Variants in LAMB4 observed in about 807,000 individuals in gnomAD.
LAMB4 encodes laminin subunit beta 4.
In LAMB4, 196 loss-of-function variants were observed where a neutral mutation model predicts 199.2. The observed-to-expected ratio is 0.98, with a 90% CI of 0.88 to 1.11. The LOEUF (loss-of-function observed/expected upper bound fraction) is 1.11. Among genes scored for constraint, LAMB4 ranks in the 50% least tolerant of loss-of-function variants. The probability of loss-of-function intolerance (pLI) is 0.00; values close to 1 mark genes in which losing one functional copy is unlikely to be tolerated. For synonymous variants in LAMB4, 744 were observed against 770.6 expected (o/e 0.97, Z 0.57); for missense variants, 2,080 against 2,171.2 (o/e 0.96, Z 0.83).
chr7:108,082,741 A>G (rs2037001875), intron 14 of LAMB4, among the ~76,000 whole-genome samples: 1 of 152,154 alleles, frequency 6.6e-6, no homozygotes. Context: ...AATCTTGTAA[A>G]ATGAGCCCCC....
intron 31 of LAMB4, among the ~76,000 whole-genome samples, chr7:108,031,369 G>GAAAAAAAAAAAAAAAAAAGAAAAAA (rs371230419): frequency 2.5e-5 from 2 of 81,164 alleles, no homozygotes; most frequent in Admixed American, 1.3e-4. Context: ...AAAAGGAAAA[G>GAAAAAAAAAAAAAAAAAAGAAAAAA]AAAAAAAAAA....
chr7:108,058,008 C>A, intron 23 of LAMB4, 80 bp from the exon 24 acceptor site: 1 of 954,440 alleles, frequency 1.0e-6, no homozygotes, highest in East Asian at 2.5e-5. Context: ...AATATTTTCC[C>A]CTCCAGTGAA....
chr7:108,086,272 C>A (rs551510790), intron 14 of LAMB4, among the ~76,000 whole-genome samples: 34 of 152,250 alleles, frequency 2.2e-4, no homozygotes, highest in Non-Finnish European at 3.8e-4. Flanking sequence ...CTAAACTTGA[C>A]CCTCGACCCC....
intron 5 of LAMB4, 40 bp downstream of exon 5, chr7:108,109,131 G>A: frequency 7.2e-7 from 1 of 1,391,178 alleles, no homozygotes; most frequent in Non-Finnish European, 1.0e-6. Context: ...AGCATTTAGG[G>A]AATAGATAAA....
chr7:108,122,722 T>C (rs2038643847), intron 2 of LAMB4, among the ~76,000 whole-genome samples: 1 of 152,224 alleles, frequency 6.6e-6, no homozygotes, highest in African/African-American at 2.4e-5. Context: ...ATGGAGAATT[T>C]GGCCTTTTAG....
chr7:108,111,153 G>A (rs1212835223), intron 4 of LAMB4, among the ~76,000 whole-genome samples: 1 of 152,180 alleles, frequency 6.6e-6, no homozygotes, highest in Non-Finnish European at 1.5e-5. Flanking sequence ...GTCCGGCCTG[G>A]ATGGACATAC....
chr7:108,049,079 T>C (rs2035744297), intron 27 of LAMB4, among the ~76,000 whole-genome samples: 1 of 152,114 alleles, frequency 6.6e-6, no homozygotes, highest in African/African-American at 2.4e-5. Context: ...GTTTTAGAAA[T>C]AGTAAATAAT....
chr7:108,116,783 C>G (rs1275449251), intron 2 of LAMB4, among the ~76,000 whole-genome samples: 1 of 152,150 alleles, frequency 6.6e-6, no homozygotes, highest in African/African-American at 2.4e-5. Flanking sequence ...CTGTACATCT[C>G]AGCACTTGGG....
chr7:108,060,085 A>C (rs2036112578), intron 23 of LAMB4, among the ~76,000 whole-genome samples: 1 of 152,204 alleles, frequency 6.6e-6, no homozygotes, highest in African/African-American at 2.4e-5. Context: ...ACAGCTGGGA[A>C]TCTAAATATC....
intron 32 of LAMB4, among the ~76,000 whole-genome samples, chr7:108,030,118 C>CA (rs749155829): frequency 0.095 from 7,593 of 79,740 alleles, 194 homozygotes; most frequent in Middle Eastern, 0.12. Flanking sequence ...CTCTGTCTCA[C>CA]AAAAAAAAAA....
intron 15 of LAMB4, among the ~76,000 whole-genome samples, chr7:108,078,729 G>A (rs2036806660): frequency 6.6e-6 from 1 of 152,154 alleles, no homozygotes; most frequent in African/African-American, 2.4e-5. Flanking sequence ...CTTACAATTT[G>A]GAAAAGCTTT....
chr7:108,019,130 T>A (rs373872737), downstream of LAMB4, among the ~76,000 whole-genome samples: 1 of 152,170 alleles, frequency 6.6e-6, no homozygotes, highest in African/African-American at 2.4e-5. Flanking sequence ...TAAATTTATC[T>A]CATAGTTCTG....
chr7:108,022,562 T>C (rs894910536), downstream of LAMB4, among the ~76,000 whole-genome samples: 12 of 152,196 alleles, frequency 7.9e-5, no homozygotes, highest in African/African-American at 2.9e-4. Context: ...TACTGAGGAA[T>C]GAGATTTTTT....
intron 11 of LAMB4, among the ~76,000 whole-genome samples, chr7:108,096,304 G>A (rs1384300554): frequency 6.6e-6 from 1 of 152,086 alleles, no homozygotes; most frequent in East Asian, 1.9e-4. Flanking sequence ...ATGTTCTTAA[G>A]GATCATCCAT....
At chr7:108,126,175 G>T (rs2038771058) in intron 1 of LAMB4, among the ~76,000 whole-genome samples, 1 of 152,150 alleles carries the variant, frequency 6.6e-6, no homozygotes, top group South Asian at 2.1e-4. Flanking sequence ...CACTTGAGAA[G>T]ATATTTTTAA....
At chr7:108,103,311 A>G in intron 9 of LAMB4, 79 bp from the exon 10 acceptor site, 1 of 1,181,344 alleles carries the variant, frequency 8.5e-7, no homozygotes, top group Non-Finnish European at 1.2e-6. Flanking sequence ...TGGTCAGGGC[A>G]CCCGCTAGTC....
Position 108,069,951 on chromosome 7 carries a change from T to C in LAMB4, c.2125-66A>G, listed in dbSNP as rs925336511. 15 of 1,303,506 alleles carry C rather than the reference T, an allele frequency of 1.2e-5. No homozygotes were observed. In the South Asian group the frequency reaches 1.9e-4, roughly 17 times the overall value. The allele number at this position is 1,303,506 out of a possible 1,614,324, so 80.7% of individuals were successfully genotyped here. On this transcript the variant is annotated intron_variant, in intron 17 of 33. Coordinates refer to ENST00000388781, the MANE Select transcript of LAMB4 (RefSeq NM_007356.3). ...TGCTGTGTACGATTCTACTTACATA[T>C]AAAAAAATTAGATCTATGAAAATAA...
At chr7:108,029,247 A>G (rs1316899318) in intron 32 of LAMB4, 51 bp from the exon 33 acceptor site, 5 of 1,504,242 alleles carry the variant, frequency 3.3e-6, no homozygotes. Context: ...AAGCATGTAC[A>G]TATATGCATG....
chr7:108,014,219 C>G, the LAMB4 span, among the ~76,000 whole-genome samples: 1,326 of 152,172 alleles, frequency 8.7e-3, 89 homozygotes, highest in Admixed American at 0.078. Flanking sequence ...TGTTCACATC[C>G]CCAAGAAAAG....
Sources: allele counts gnomAD v4.1 joint callset (sites outside exome capture counted in the v4.1 genomes callset), GRCh38; gene constraint gnomAD v4.1.1; transcripts MANE v1.5; gene names NCBI Gene and HGNC (gene_info 2026-07-23, HGNC 2026-07-21).